Variants in ATP2C2 observed in about 807,000 individuals in gnomAD.
ATP2C2 encodes the protein ATPase secretory pathway Ca2+ transporting 2, also known as calcium-transporting ATPase type 2C member 2.
ATP2C2 carries 171 observed loss-of-function variants against 110.8 expected under a neutral mutation model. That is an observed-to-expected ratio of 1.54 (90% CI 1.36 to 1.75). ATP2C2 has a LOEUF of 1.75. ATP2C2 is among the 40% of genes most tolerant of loss of function. The pLI is 0.00. For synonymous variants in ATP2C2, 804 were observed against 508.4 expected (o/e 1.58, Z -7.82); for missense variants, 1,963 against 1,235.0 (o/e 1.59, Z -8.84).
intron 11 of ATP2C2, among the ~76,000 whole-genome samples, chr16:84,435,647 G>C (rs1000942732): frequency 2.0e-5 from 3 of 152,120 alleles, no homozygotes; most frequent in African/African-American, 2.4e-5. Flanking sequence ...GTAACAGAGT[G>C]AGACCTTGTC....
At chr16:84,429,908 G>T (rs1908116488) in intron 11 of ATP2C2, among the ~76,000 whole-genome samples, 1 of 152,162 alleles carries the variant, frequency 6.6e-6, no homozygotes, top group African/African-American at 2.4e-5. Context: ...ACCCTAGGGG[G>T]AGAATCAGCC....
chr16:84,411,490 G>A (rs1567704134), intron 6 of ATP2C2, among the ~76,000 whole-genome samples: 2 of 152,116 alleles, frequency 1.3e-5, no homozygotes, highest in Non-Finnish European at 2.9e-5. Context: ...CGCCCAGGCT[G>A]GAGTGCAGTG....
At chr16:84,403,060 T>G (rs1196461939) in intron 2 of ATP2C2, among the ~76,000 whole-genome samples, 3 of 152,234 alleles carry the variant, frequency 2.0e-5, no homozygotes, top group Non-Finnish European at 4.4e-5. Context: ...ATTTTCCAAT[T>G]TATTGGCATA....
Position 84,454,982 on chromosome 16 carries a change from C to T in ATP2C2, c.2145C>T (p.Ile715=). 2 of 1,612,640 alleles carry T rather than the reference C, an allele frequency of 1.2e-6. No individual in the cohort carries two copies. The highest frequency in any genetic ancestry group is 8.5e-7 in the Non-Finnish European group (1 of 1,179,402). ...MILVDDDFSA[I]MNAVEEGKGI... ...TGGTGGATGATGACTTCTCAGCCAT[C>T]ATGTAAGCTGCCCTTCTGGTTGTTT... is the stretch of plus-strand genomic sequence containing the variant. Residue 715 remains isoleucine, a splice_region_variant and synonymous_variant, in exon 21 of 27, where the codon ATC becomes ATT. Coordinates refer to ENST00000262429, the MANE Select transcript of ATP2C2 (RefSeq NM_014861.4).
chr16:84,438,553 G>A (rs1192185511), intron 11 of ATP2C2, among the ~76,000 whole-genome samples: 2 of 152,318 alleles, frequency 1.3e-5, no homozygotes, highest in East Asian at 3.9e-4. Context: ...CTCGAATCCA[G>A]CCAACCCTGG....
At chr16:84,449,684 G>C (rs889563926) in intron 17 of ATP2C2, among the ~76,000 whole-genome samples, 2 of 152,216 alleles carry the variant, frequency 1.3e-5, no homozygotes, top group Non-Finnish European at 2.9e-5. Context: ...GCTGACACCA[G>C]CGACGGGGCT....
intron 3 of ATP2C2, 135 bp downstream of exon 3, chr16:84,405,379 G>GAA: frequency 2.7e-6 from 2 of 728,492 alleles, no homozygotes; most frequent in Non-Finnish European, 4.5e-6. Flanking sequence ...CAGCCAGCCT[G>GAA]AGCATCAGTC....
intron 4 of ATP2C2, 83 bp downstream of exon 4, chr16:84,408,577 A>T: frequency 8.8e-7 from 1 of 1,141,548 alleles, no homozygotes; most frequent in Non-Finnish European, 1.3e-6. Flanking sequence ...TATAAAGAAA[A>T]AAAAGAGTTT....
intron 1 of ATP2C2, among the ~76,000 whole-genome samples, chr16:84,380,268 G>C (rs1356052118): frequency 1.3e-5 from 2 of 152,106 alleles, no homozygotes; most frequent in Admixed American, 6.5e-5. Context: ...TTGAGTGACA[G>C]TTTTGCCTTC....
intron 1 of ATP2C2, among the ~76,000 whole-genome samples, chr16:84,383,112 C>T (rs1282937799): frequency 6.6e-6 from 1 of 152,188 alleles, no homozygotes; most frequent in African/African-American, 2.4e-5. Flanking sequence ...GAGCCACTGT[C>T]CTTGTCATCT....
chr16:84,447,805 A>G (rs1020730041), intron 16 of ATP2C2, among the ~76,000 whole-genome samples: 1 of 145,970 alleles, frequency 6.9e-6, no homozygotes, highest in African/African-American at 2.5e-5. Flanking sequence ...AATATACAAT[A>G]CATATGTACT....
rs775041439 is a variant in ATP2C2 at position 84,439,408 on chromosome 16, C to G, written c.1112-19C>G. 4.3e-6 allele frequency: 7 copies of G among 1,613,582 alleles called. No individual in the cohort carries two copies. The South Asian group carries it at 4.4e-5, about 10-fold the overall frequency. ...AGGATGGCAACTTCTCTTCTATAAA[C>G]TGGTGTTTGTTGTACCAGGTTGCTG... On this transcript the variant is annotated intron_variant, in intron 12 of 26. Coordinates refer to ENST00000262429, the MANE Select transcript of ATP2C2 (RefSeq NM_014861.4).
intron 11 of ATP2C2, among the ~76,000 whole-genome samples, chr16:84,426,584 C>G (rs1199768691): frequency 6.6e-6 from 1 of 152,072 alleles, no homozygotes; most frequent in East Asian, 1.9e-4. Flanking sequence ...CTCTCTGTGC[C>G]CCAGTTTCCT....
chr16:84,409,911 A>G (rs1201184407), intron 4 of ATP2C2, among the ~76,000 whole-genome samples: 1 of 152,138 alleles, frequency 6.6e-6, no homozygotes, highest in East Asian at 1.9e-4. Flanking sequence ...CCTACTTCCA[A>G]TTAAAAGGCT....
chr16:84,413,789 G>C (rs1312849267), intron 6 of ATP2C2, among the ~76,000 whole-genome samples: 1 of 151,854 alleles, frequency 6.6e-6, no homozygotes, highest in Non-Finnish European at 1.5e-5. Context: ...CCTGCTGTGC[G>C]GGACCCCCTC....
chr16:84,460,789 C>A lies in ATP2C2; in HGVS notation c.2469C>A (p.Ile823=), dbSNP rs768956099. 1.9e-6 allele frequency: 3 copies of A among 1,612,882 alleles called. No homozygotes were observed. The highest frequency in any genetic ancestry group is 1.7e-6 in the Non-Finnish European group (2 of 1,179,146). The part of the protein sequence containing the change: ...AAIIISGTLF[I]FWKEMPEDRA... ...TCATCATCAGCGGGACCCTCTTTATCTTCTGGAAGGAGGTGAGCGAGGGTC... is the reference window on the plus strand; with the variant it reads ...TCATCATCAGCGGGACCCTCTTTATATTCTGGAAGGAGGTGAGCGAGGGTC... The change falls in exon 24 of 27, where the codon ATC becomes ATA. Residue 823 remains isoleucine (I), a synonymous_variant. Coordinates refer to ENST00000262429, the MANE Select transcript of ATP2C2 (RefSeq NM_014861.4).
chr16:84,448,661 G>A lies in ATP2C2; in HGVS notation c.1632G>A (p.Glu544=), dbSNP rs748001997. The A allele has an allele frequency of 1.9e-5, 30 of 1,613,818 alleles. No individual in the cohort carries two copies. Among genetic ancestry groups the A allele is most frequent in the Middle Eastern group, 3.3e-4 (2 of 6,078 alleles). Residue 544 remains glutamate, a synonymous_variant, in exon 17 of 27, where the codon GAG becomes GAA. Coordinates refer to ENST00000262429, the MANE Select transcript of ATP2C2 (RefSeq NM_014861.4). ...PQQRSFCLQE[E]KRMGSLGLRV... ...AGAGGTCATTCTGCCTGCAGGAAGA[G>A]AAGAGGATGGGGTCGCTCGGTTTGC...
chr16:84,424,962 T>A (rs1356330036), intron 10 of ATP2C2, among the ~76,000 whole-genome samples: 2 of 152,132 alleles, frequency 1.3e-5, no homozygotes, highest in African/African-American at 4.8e-5. Flanking sequence ...CCCTTGCTAA[T>A]CTATTTCATT....
intron 8 of ATP2C2, 28 bp downstream of exon 8, chr16:84,422,567 G>C (rs1907443175): frequency 6.2e-7 from 1 of 1,612,170 alleles, no homozygotes. Context: ...GAGGCCTTGG[G>C]CTCCCGTAAC....
Sources: gnomAD v4.1 joint callset for allele counts (sites outside exome capture counted in the v4.1 genomes callset) on GRCh38, gnomAD v4.1.1 for gene constraint, MANE v1.5 for transcripts, NCBI Gene and HGNC (gene_info 2026-07-23, HGNC 2026-07-21) for gene names.